The following ST7 variants were observed in gnomAD, a reference collection of about 807,000 sequenced individuals.
The protein encoded by ST7 is suppression of tumorigenicity 7.
ST7 carries 28 observed loss-of-function variants against 78.7 expected under a neutral mutation model. That is an observed-to-expected ratio of 0.36 (90% CI 0.26 to 0.49). The LOEUF is 0.49. ST7 is among the 20% of genes least tolerant of loss of function. The pLI, the probability that ST7 is intolerant of heterozygous loss-of-function variation, is 0.99. For synonymous variants in ST7, 247 were observed against 249.6 expected (o/e 0.99, Z 0.10); for missense variants, 418 against 696.0 (o/e 0.60, Z 4.49).
chr7:117,084,724 CATT>C (rs149068264), intron 1 of ST7, among the ~76,000 whole-genome samples: 1,661 of 152,136 alleles, frequency 0.011, 33 homozygotes, highest in African/African-American at 0.037. Context: ...TGTTTGCTGC[CATT>C]ATTATTATTC....
At chr7:117,194,732 T>C (rs1158084440) in intron 12 of ST7, among the ~76,000 whole-genome samples, 1 of 152,216 alleles carries the variant, frequency 6.6e-6, no homozygotes, top group African/African-American at 2.4e-5. Flanking sequence ...TGTTACAGTT[T>C]ATTGGATTTG....
At chr7:117,020,503 C>T (rs1217594650) in intron 1 of ST7, 9 of 1,385,564 alleles carry the variant, frequency 6.5e-6, no homozygotes, top group South Asian at 1.4e-5. Context: ...GCTGTGTAGC[C>T]GGCTCATCTC....
At chr7:117,069,232 A>G (rs1798792543) in intron 1 of ST7, among the ~76,000 whole-genome samples, 7 of 152,214 alleles carry the variant, frequency 4.6e-5, no homozygotes, top group Admixed American at 4.6e-4. Flanking sequence ...TCAAAGTATC[A>G]TATCCTTCCT....
chr7:117,075,080 G>A (rs1799246869), intron 1 of ST7, among the ~76,000 whole-genome samples: 1 of 152,120 alleles, frequency 6.6e-6, no homozygotes, highest in Non-Finnish European at 1.5e-5. Context: ...GATACCAGTG[G>A]TATGCTAATA....
intron 1 of ST7, among the ~76,000 whole-genome samples, chr7:116,975,876 G>A (rs1401575048): frequency 1.3e-5 from 2 of 152,112 alleles, no homozygotes; most frequent in African/African-American, 4.8e-5. Flanking sequence ...CGTTTGCTGG[G>A]CCATATGAGC....
intron 1 of ST7, among the ~76,000 whole-genome samples, chr7:117,058,511 G>C (rs1563049217): frequency 6.6e-6 from 1 of 152,102 alleles, no homozygotes; most frequent in Non-Finnish European, 1.5e-5. Context: ...AATTTGCTTT[G>C]ATTTCATAGT....
chr7:117,011,644 G>A (rs1795388441), intron 1 of ST7, among the ~76,000 whole-genome samples: 1 of 152,164 alleles, frequency 6.6e-6, no homozygotes, highest in Non-Finnish European at 1.5e-5. Context: ...AATTGTAGCA[G>A]GACTCTGGGA....
chr7:117,062,167 A>T (rs1439653301), intron 1 of ST7, among the ~76,000 whole-genome samples: 2 of 152,186 alleles, frequency 1.3e-5, no homozygotes, highest in African/African-American at 4.8e-5. Context: ...GTCTCTTCTT[A>T]TGAGGGCACT....
Position 117,230,079 on chromosome 7 carries a change from A to G in ST7, c.*222A>G, listed in dbSNP as rs745673368. 1.4e-5 allele frequency: 10 copies of G among 705,916 alleles called. No homozygotes were observed. Among genetic ancestry groups the G allele is most frequent in the Non-Finnish European group, 2.6e-5 (10 of 380,126 alleles). The allele number at this position is 705,916 out of a possible 1,614,324, so 43.7% of individuals were successfully genotyped here. A position where few individuals can be genotyped will look rare whatever the true frequency, so the allele number is the denominator to read the frequency against. On this transcript the variant is annotated 3_prime_UTR_variant, in exon 16 of 16. Transcript: ENST00000323984. ...CCTTCAGAAAAGAAGAAAGTCAAAAATAAAACTTTTGTGTATTACAGCAAT... is the reference window on the plus strand; with the variant it reads ...CCTTCAGAAAAGAAGAAAGTCAAAAGTAAAACTTTTGTGTATTACAGCAAT...
chr7:117,097,751 T>C, intron 1 of ST7, among the ~76,000 whole-genome samples: 1 of 149,114 alleles, frequency 6.7e-6, no homozygotes, highest in Non-Finnish European at 1.5e-5. Context: ...TTGTGCACAT[T>C]TGATTTTTTT....
intron 1 of ST7, among the ~76,000 whole-genome samples, chr7:116,974,060 A>G (rs1014399119): frequency 6.6e-6 from 1 of 152,096 alleles, no homozygotes. Flanking sequence ...AATATTTTCA[A>G]TTATTGATTG....
intron 12 of ST7, among the ~76,000 whole-genome samples, chr7:117,200,153 CT>C (rs1248962705): frequency 6.6e-6 from 1 of 152,126 alleles, no homozygotes; most frequent in Non-Finnish European, 1.5e-5. Flanking sequence ...TAATTTTTAA[CT>C]TTTTTAAAGC....
intron 10 of ST7, among the ~76,000 whole-genome samples, chr7:117,171,558 C>T (rs1752115797): frequency 6.6e-6 from 1 of 151,766 alleles, no homozygotes; most frequent in Non-Finnish European, 1.5e-5. Context: ...TGGTTACTCA[C>T]TCATGAACTT....
intron 1 of ST7, among the ~76,000 whole-genome samples, chr7:117,079,054 C>G (rs1392566103): frequency 1.3e-5 from 2 of 152,160 alleles, no homozygotes; most frequent in African/African-American, 4.8e-5. Context: ...TCTGCAGATT[C>G]ATTCAGTCAA....
intron 1 of ST7, among the ~76,000 whole-genome samples, chr7:117,018,217 T>C (rs932040677): frequency 2.0e-5 from 3 of 152,160 alleles, no homozygotes; most frequent in African/African-American, 7.2e-5. Flanking sequence ...GACGGCCACA[T>C]CCATCCACTA....
intron 1 of ST7, among the ~76,000 whole-genome samples, chr7:116,973,569 A>G (rs1253050215): frequency 6.6e-6 from 1 of 152,138 alleles, no homozygotes; most frequent in African/African-American, 2.4e-5. Flanking sequence ...CTGTTTTTAA[A>G]AATAAACTGT....
chr7:116,966,208 T>A (rs1290332237), intron 1 of ST7: 1 of 320,164 alleles, frequency 3.1e-6, no homozygotes, highest in Non-Finnish European at 6.5e-6. Flanking sequence ...CAGTTATTAA[T>A]TATTTCCGTA....
At chr7:117,229,731 T>A (rs1246524096) in intron 15 of ST7, 31 bp from the exon 16 acceptor site, 15 of 1,572,920 alleles carry the variant, frequency 9.5e-6, no homozygotes. Context: ...AGGTTTCTGC[T>A]GACTTCTGTG....
intron 13 of ST7, among the ~76,000 whole-genome samples, chr7:117,210,566 C>T (rs1584613211): frequency 6.6e-6 from 1 of 152,028 alleles, no homozygotes; most frequent in African/African-American, 2.4e-5. Flanking sequence ...CCCTGCATGT[C>T]GTCTAATTGG....
Sources: allele counts gnomAD v4.1 joint callset (sites outside exome capture counted in the v4.1 genomes callset), GRCh38; gene constraint gnomAD v4.1.1; transcripts MANE v1.5; gene names NCBI Gene and HGNC (gene_info 2026-07-23, HGNC 2026-07-21).